The following MED13L variants were observed in gnomAD, a reference collection of about 807,000 sequenced individuals.
MED13L encodes the protein mediator of RNA polymerase II transcription subunit 13-like.
In MED13L, 7 loss-of-function variants were observed where a neutral mutation model predicts 220.9. That is an observed-to-expected ratio of 0.03 (90% CI 0.02 to 0.06). The LOEUF (loss-of-function observed/expected upper bound fraction) is 0.06, where lower values mean the gene tolerates loss of function less well. Among genes scored for constraint, MED13L ranks in the 10% least tolerant of loss-of-function variants. The pLI, the probability that MED13L is intolerant of heterozygous loss-of-function variation, is 1.00. For synonymous variants in MED13L, 1,011 were observed against 1,015.2 expected, an observed-to-expected ratio of 1.00 and a Z score of 0.08; for missense variants, 1,965 against 2,760.5, an observed-to-expected ratio of 0.71 and a Z score of 6.46.
chr12:116,260,623 A>C (rs555353446), intron 1 of MED13L, among the ~76,000 whole-genome samples: 1 of 152,332 alleles, frequency 6.6e-6, no homozygotes, highest in Non-Finnish European at 1.5e-5. Context: ...AGGAACAAAA[A>C]TTTGAAAGAA....
chr12:116,177,386 ATT>A (rs1394494620), intron 2 of MED13L, among the ~76,000 whole-genome samples: 3 of 152,222 alleles, frequency 2.0e-5, no homozygotes, highest in African/African-American at 7.2e-5. Flanking sequence ...AAAGCTAGGC[ATT>A]GAGTCTCTGT....
Position 115,963,472 on chromosome 12 carries a change from CAGA to C in MED13L, c.6432_6434del (p.Leu2145del). 6.2e-7 allele frequency: 1 copy of C among 1,614,188 alleles called. No homozygotes were observed. The highest frequency in any genetic ancestry group is 8.5e-7 in the Non-Finnish European group (1 of 1,180,028). Reference sequence around the variant, plus strand: ...GAACCCGCTGAGAATTCCTGGCAGGCAGAAGTTCGTCTGTCTGTGCTACTGAAA... The same window carrying C: ...GAACCCGCTGAGAATTCCTGGCAGGCAGTTCGTCTGTCTGTGCTACTGAAA... On this transcript the variant is annotated inframe_deletion, in exon 30 of 31. Transcript: ENST00000281928.
chr12:116,078,124 A>C (rs1378617534), intron 4 of MED13L, among the ~76,000 whole-genome samples: 3 of 148,734 alleles, frequency 2.0e-5, no homozygotes, highest in African/African-American at 7.5e-5. Flanking sequence ...CCTGGGCGAC[A>C]GAGTAAGACT....
chr12:115,966,455 CAAGT>C (rs1257517372), intron 28 of MED13L, among the ~76,000 whole-genome samples: 1 of 152,198 alleles, frequency 6.6e-6, no homozygotes, highest in Admixed American at 6.5e-5. Context: ...CAGCCTCAGT[CAAGT>C]AAGTACAGAT....
At chr12:116,128,134 T>C (rs1182590427) in intron 2 of MED13L, among the ~76,000 whole-genome samples, 1 of 152,190 alleles carries the variant, frequency 6.6e-6, no homozygotes, top group Non-Finnish European at 1.5e-5. Flanking sequence ...AAATTATTCA[T>C]TTACTACTTG....
chr12:116,076,961 T>A (rs540882354), intron 4 of MED13L, among the ~76,000 whole-genome samples: 1 of 152,228 alleles, frequency 6.6e-6, no homozygotes, highest in Non-Finnish European at 1.5e-5. Flanking sequence ...CCTCTTCATA[T>A]CTTCCACGGC....
Position 116,012,793 on chromosome 12 carries a change from C to A in MED13L, c.1280+4G>T. 1.2e-6 allele frequency: 2 copies of A among 1,606,268 alleles called. No homozygotes were observed. Among genetic ancestry groups the A allele is most frequent in the East Asian group, 4.5e-5 (2 of 44,826 alleles). ...ATTACTATTTTGCCTTTTTTATTAC[C>A]TACCTGGAACAAGAACAGCTGACTC... On this transcript the variant is annotated splice_donor_region_variant and intron_variant, in intron 9 of 30. Transcript: ENST00000281928.
chr12:116,105,189 G>A lies in MED13L; in HGVS notation c.395+6239C>T, dbSNP rs78350177. ...GCCAAAGTACTTTTCCCTAAGGAGT[G>A]TGAGGCAATCTGAACTTAAAACACA... is the stretch of plus-strand genomic sequence containing the variant. On this transcript the variant is annotated intron_variant, in intron 3 of 30. Transcript: ENST00000281928. Among the ~76,000 whole-genome samples the A allele has an allele frequency of 7.6e-3, 1,152 of 152,274 alleles. 13 individuals carry two copies. Among genetic ancestry groups the A allele is most frequent in the African/African-American group, 0.025 (1,035 of 41,554 alleles).
At chr12:116,197,377 C>T (rs749413920) in intron 2 of MED13L, among the ~76,000 whole-genome samples, 1 of 152,262 alleles carries the variant, frequency 6.6e-6, no homozygotes, top group Middle Eastern at 3.4e-3. Flanking sequence ...TGCTTTATCT[C>T]GTTGTCCATT....
chr12:116,176,479 C>A (rs1487486852), intron 2 of MED13L, among the ~76,000 whole-genome samples: 1 of 151,882 alleles, frequency 6.6e-6, no homozygotes, highest in African/African-American at 2.4e-5. Flanking sequence ...GGGTGAACAA[C>A]AAGAGGATAT....
intron 2 of MED13L, among the ~76,000 whole-genome samples, chr12:116,205,943 T>TG: frequency 3.5e-5 from 1 of 28,342 alleles, no homozygotes; most frequent in East Asian, 3.1e-3. Flanking sequence ...TAAAAACTTG[T>TG]TTTTTTTTTT....
At chr12:115,965,787 GGAGA>G (rs1876113450) in intron 29 of MED13L, among the ~76,000 whole-genome samples, 1 of 152,064 alleles carries the variant, frequency 6.6e-6, no homozygotes, top group African/African-American at 2.4e-5. Context: ...ATATAGACTT[GGAGA>G]AAGACCATCA....
At chr12:116,192,671 A>G (rs1400160019) in intron 2 of MED13L, among the ~76,000 whole-genome samples, 1 of 152,152 alleles carries the variant, frequency 6.6e-6, no homozygotes, top group Non-Finnish European at 1.5e-5. Flanking sequence ...GGACAATAAC[A>G]AGAACAATTT....
intron 2 of MED13L, among the ~76,000 whole-genome samples, chr12:116,180,122 C>T (rs747400920): frequency 3.3e-5 from 5 of 152,158 alleles, no homozygotes; most frequent in Non-Finnish European, 7.3e-5. Context: ...CACTGTGGCT[C>T]GACGACACTG....
intron 29 of MED13L, 58 bp downstream of exon 29, chr12:115,966,024 T>C (rs992046728): frequency 5.0e-6 from 8 of 1,588,586 alleles, no homozygotes; most frequent in Middle Eastern, 3.7e-4. Flanking sequence ...TAACCAAAAT[T>C]AAATTTAAGC....
At chr12:116,268,106 T>C (rs1466790211) in intron 1 of MED13L, among the ~76,000 whole-genome samples, 3 of 152,180 alleles carry the variant, frequency 2.0e-5, no homozygotes, top group Non-Finnish European at 4.4e-5. Context: ...AGATAGTTAA[T>C]GAGCACCTAG....
intron 10 of MED13L, chr12:116,008,045 A>G: frequency 3.0e-6 from 1 of 332,156 alleles, no homozygotes; most frequent in East Asian, 5.9e-5. Flanking sequence ...ACCTGAATGC[A>G]GGCAAAGCCT....
At chr12:116,120,493 A>T (rs1322625167) in intron 2 of MED13L, among the ~76,000 whole-genome samples, 7 of 145,320 alleles carry the variant, frequency 4.8e-5, no homozygotes, top group African/African-American at 1.0e-4. Context: ...ACACACACAC[A>T]CACACACACA....
At chr12:116,118,777 G>A (rs561126961) in intron 2 of MED13L, among the ~76,000 whole-genome samples, 7 of 152,232 alleles carry the variant, frequency 4.6e-5, no homozygotes, top group East Asian at 3.9e-4. Flanking sequence ...CTACTTGACC[G>A]TGTTATGTGT....
Sources: gnomAD v4.1 joint callset for allele counts (sites outside exome capture counted in the v4.1 genomes callset) on GRCh38, gnomAD v4.1.1 for gene constraint, MANE v1.5 for transcripts, NCBI Gene and HGNC (gene_info 2026-07-23, HGNC 2026-07-21) for gene names.